TRIM2: variants seen among roughly 807,000 people sequenced by gnomAD.
The protein encoded by TRIM2 is tripartite motif containing 2.
Under a neutral mutation model 75.2 loss-of-function variants are expected in TRIM2, and 20 were observed. The ratio of observed to expected loss-of-function variants is 0.27; its 90% CI spans 0.19 to 0.39. The LOEUF (loss-of-function observed/expected upper bound fraction) is 0.39. TRIM2 is among the 10% of genes least tolerant of loss of function. TRIM2 has a pLI of 1.00. For missense variants in TRIM2, 660 were observed against 990.8 expected (o/e 0.67, Z 4.48); for synonymous variants, 373 against 388.3 (o/e 0.96, Z 0.46).
chr4:153,339,183 A>G lies in TRIM2; in HGVS notation c.*4217A>G. 1 of 985,888 alleles carries G rather than the reference A, an allele frequency of 1.0e-6. No individual in the cohort carries two copies. The allele number at this position is 985,888 out of a possible 1,614,324, so 61.1% of individuals were successfully genotyped here. A position where few individuals can be genotyped will look rare whatever the true frequency, so the allele number is the denominator to read the frequency against. The stretch of plus-strand genomic sequence containing the variant: ...ATGTTCGTAGCTACATACGTACCAC[A>G]GTATTTTGGATGCTTTAGTCTACAA... On this transcript the variant is annotated 3_prime_UTR_variant, in exon 12 of 12. Coordinates refer to ENST00000338700, the MANE Select transcript of TRIM2 (RefSeq NM_015271.5).
chr4:153,224,876 A>G (rs1457930649), intron 1 of TRIM2, among the ~76,000 whole-genome samples: 1 of 152,248 alleles, frequency 6.6e-6, no homozygotes, highest in African/African-American at 2.4e-5. Flanking sequence ...GTGAGAATTA[A>G]CATCTTATTC....
intron 2 of TRIM2, among the ~76,000 whole-genome samples, chr4:153,271,748 A>T (rs1269522477): frequency 1.3e-5 from 2 of 152,190 alleles, no homozygotes; most frequent in Non-Finnish European, 2.9e-5. Context: ...CTAAAACATG[A>T]ATACCAGCTA....
intron 1 of TRIM2, among the ~76,000 whole-genome samples, chr4:153,171,069 T>G (rs1451025463): frequency 6.6e-6 from 1 of 152,222 alleles, no homozygotes; most frequent in Non-Finnish European, 1.5e-5. Context: ...AAGGATGGGT[T>G]GCTAGCCTTA....
chr4:153,313,493 A>G lies in TRIM2; in HGVS notation c.1511-1992A>G, dbSNP rs932114079. On this transcript the variant is annotated intron_variant, in intron 6 of 11. Coordinates refer to ENST00000338700, the MANE Select transcript of TRIM2 (RefSeq NM_015271.5). The stretch of plus-strand genomic sequence containing the variant: ...ATCACCAATTTCAATTCCTAAACCC[A>G]AAAATCTGTTTCAGACAAGTCTATT... Among the ~76,000 whole-genome samples the G allele has an allele frequency of 1.3e-5, 2 of 152,062 alleles. 1 individual carries two copies. The highest frequency in any genetic ancestry group is 4.8e-5 in the African/African-American group (2 of 41,322).
intron 6 of TRIM2, among the ~76,000 whole-genome samples, chr4:153,311,341 TTC>T (rs1389826589): frequency 6.6e-6 from 1 of 151,270 alleles, no homozygotes; most frequent in African/African-American, 2.5e-5. Flanking sequence ...AAGCACTATT[TTC>T]TCTGTTTTTT....
intron 1 of TRIM2, among the ~76,000 whole-genome samples, chr4:153,256,345 C>G (rs923684420): frequency 6.6e-6 from 1 of 152,158 alleles, no homozygotes; most frequent in African/African-American, 2.4e-5. Flanking sequence ...CAAGGGCTCA[C>G]TGTAATGCTT....
At chr4:153,223,287 C>A (rs1186789699) in intron 1 of TRIM2, among the ~76,000 whole-genome samples, 2 of 152,176 alleles carry the variant, frequency 1.3e-5, no homozygotes, top group Non-Finnish European at 2.9e-5. Context: ...GAGTCGCGGA[C>A]CTCTGCCGTC....
intron 1 of TRIM2, among the ~76,000 whole-genome samples, chr4:153,189,399 T>G (rs896618978): frequency 2.0e-5 from 3 of 152,166 alleles, no homozygotes; most frequent in African/African-American, 7.2e-5. Context: ...AGTCTTGGCA[T>G]GTTCTAATTG....
chr4:153,169,621 A>G (rs1730650413), intron 1 of TRIM2, among the ~76,000 whole-genome samples: 1 of 152,208 alleles, frequency 6.6e-6, no homozygotes, highest in South Asian at 2.1e-4. Flanking sequence ...ATGAATGTAT[A>G]TGTATTTATA....
chr4:153,271,886 C>T (rs1235115003), intron 2 of TRIM2, among the ~76,000 whole-genome samples: 1 of 152,118 alleles, frequency 6.6e-6, no homozygotes, highest in East Asian at 1.9e-4. Flanking sequence ...GCAGAATTGC[C>T]CCATATCCCA....
intron 1 of TRIM2, among the ~76,000 whole-genome samples, chr4:153,166,393 G>C (rs1025732052): frequency 6.6e-6 from 1 of 152,160 alleles, no homozygotes. Flanking sequence ...TGGTAATTGG[G>C]ACAAGACCTT....
chr4:153,162,628 C>T (rs1412917772), intron 1 of TRIM2, among the ~76,000 whole-genome samples: 1 of 152,222 alleles, frequency 6.6e-6, no homozygotes, highest in South Asian at 2.1e-4. Context: ...CTGGGCACTG[C>T]ATGGCTCAGG....
At chr4:153,171,097 C>T (rs1730805916) in intron 1 of TRIM2, among the ~76,000 whole-genome samples, 1 of 152,188 alleles carries the variant, frequency 6.6e-6, no homozygotes, top group East Asian at 1.9e-4. Flanking sequence ...GGCTGTGGGA[C>T]AGCAGGTCCC....
At chr4:153,314,740 A>C (rs923206759) in intron 6 of TRIM2, among the ~76,000 whole-genome samples, 2 of 152,150 alleles carry the variant, frequency 1.3e-5, no homozygotes, top group Non-Finnish European at 2.9e-5. Context: ...GAGATATTGA[A>C]TCTTTGAAAA....
chr4:153,239,460 T>C (rs1179520061), intron 1 of TRIM2, among the ~76,000 whole-genome samples: 1 of 152,198 alleles, frequency 6.6e-6, no homozygotes, highest in Non-Finnish European at 1.5e-5. Flanking sequence ...TGTTATTTTC[T>C]TTCTATTCCT....
chr4:153,202,475 T>A (rs1308059071), upstream of TRIM2, among the ~76,000 whole-genome samples: 3 of 151,972 alleles, frequency 2.0e-5, no homozygotes, highest in Non-Finnish European at 4.4e-5. Context: ...GGCGGGCAGA[T>A]CACGAGGTCA....
chr4:153,164,633 G>A (rs574756755), intron 1 of TRIM2, among the ~76,000 whole-genome samples: 2 of 152,280 alleles, frequency 1.3e-5, no homozygotes, highest in South Asian at 2.1e-4. Context: ...CAGGCAACCA[G>A]TATTACCAGC....
intron 1 of TRIM2, among the ~76,000 whole-genome samples, chr4:153,191,194 G>C (rs1733152939): frequency 6.6e-6 from 1 of 152,206 alleles, no homozygotes. Flanking sequence ...AGGAAGGATT[G>C]GTTCTTTTCC....
At chr4:153,194,168 T>A (rs1385184366) in intron 1 of TRIM2, among the ~76,000 whole-genome samples, 2 of 151,826 alleles carry the variant, frequency 1.3e-5, no homozygotes, top group African/African-American at 4.8e-5. Context: ...GGGGAAAGAG[T>A]GAAGAAGGAA....
Sources: gnomAD v4.1 joint callset for allele counts (sites outside exome capture counted in the v4.1 genomes callset) on GRCh38, gnomAD v4.1.1 for gene constraint, MANE v1.5 for transcripts, NCBI Gene and HGNC (gene_info 2026-07-23, HGNC 2026-07-21) for gene names.